The following ELP4 variants were observed in gnomAD, a reference collection of about 807,000 sequenced individuals.
The protein encoded by ELP4 is elongator complex protein 4.
ELP4 carries 51 observed loss-of-function variants against 48.9 expected under a neutral mutation model. The observed-to-expected ratio is 1.04, with a 90% CI of 0.83 to 1.32. The LOEUF is 1.32. ELP4 is among the 40% of genes most tolerant of loss of function. The pLI, the probability that ELP4 is intolerant of heterozygous loss-of-function variation, is 0.00. For synonymous variants in ELP4, 210 were observed against 189.2 expected (o/e 1.11, Z -0.90); for missense variants, 519 against 514.6 (o/e 1.01, Z -0.08).
intron 3 of ELP4, among the ~76,000 whole-genome samples, chr11:31,590,177 G>A (rs1281440098): frequency 1.3e-5 from 2 of 152,120 alleles, no homozygotes; most frequent in African/African-American, 4.8e-5. Context: ...TACCTCATAA[G>A]TTTATTATCG....
chr11:31,607,287 A>G (rs545626266), intron 5 of ELP4, among the ~76,000 whole-genome samples: 21 of 152,204 alleles, frequency 1.4e-4, no homozygotes, highest in Non-Finnish European at 2.6e-4. Context: ...CTATAACAAA[A>G]TACCTGAGAC....
chr11:31,531,078 G>A (rs1592087649), intron 2 of ELP4, among the ~76,000 whole-genome samples: 1 of 152,114 alleles, frequency 6.6e-6, no homozygotes, highest in African/African-American at 2.4e-5. Flanking sequence ...CACAAAATTG[G>A]TAATTTTCAG....
At chr11:31,735,252 C>T (rs1244950100) in intron 9 of ELP4, among the ~76,000 whole-genome samples, 1 of 151,312 alleles carries the variant, frequency 6.6e-6, no homozygotes, top group Non-Finnish European at 1.5e-5. Context: ...AAGACTTAAC[C>T]ATATGACCTG....
chr11:31,760,002 T>C (rs193152915), intron 9 of ELP4, among the ~76,000 whole-genome samples: 4 of 152,238 alleles, frequency 2.6e-5, no homozygotes, highest in Admixed American at 2.6e-4. Context: ...CTATGGTCGG[T>C]CAGTGTTTTC....
At chr11:31,695,223 C>A (rs866966129) in intron 9 of ELP4, among the ~76,000 whole-genome samples, 45 of 152,218 alleles carry the variant, frequency 3.0e-4, no homozygotes, top group African/African-American at 8.7e-4. Context: ...GAGGGCATCC[C>A]TGTCTTGTGC....
intron 9 of ELP4, among the ~76,000 whole-genome samples, chr11:31,754,483 A>ATTGTATTGTTTTGTATTGTATT (rs1947792808): frequency 6.6e-6 from 1 of 152,070 alleles, no homozygotes; most frequent in East Asian, 1.9e-4. Flanking sequence ...TAGTACAACT[A>ATTGTATTGTTTTGTATTGTATT]GTATTCCTTG....
At position 31,585,422 on chromosome 11, in the gene ELP4, G is replaced by A. The variant is rs543204343; in HGVS notation, c.382-9348G>A. Among the ~76,000 whole-genome samples, 189 of 150,494 alleles carry A rather than the reference G, an allele frequency of 1.3e-3. 1 individual carries two copies. The highest frequency in any genetic ancestry group is 5.0e-3 in the Admixed American group (75 of 15,128). On this transcript the variant is annotated intron_variant, in intron 3 of 9. Transcript: ENST00000640961. The stretch of plus-strand genomic sequence containing the variant: ...ATGAAATCTCACAAGAGAATAAAGA[G>A]CCTGGGTATTATTAAAAAAAAAAAA...
intron 9 of ELP4, among the ~76,000 whole-genome samples, chr11:31,690,367 C>T (rs1011741838): frequency 6.6e-6 from 1 of 152,024 alleles, no homozygotes; most frequent in African/African-American, 2.4e-5. Context: ...AGGGAGCACG[C>T]ACAGTGCAAT....
At chr11:31,650,360 A>C in intron 9 of ELP4, 139 bp downstream of exon 9, 1 of 437,026 alleles carries the variant, frequency 2.3e-6, no homozygotes, top group South Asian at 7.2e-5. Context: ...AAGTATTTTT[A>C]AGTTCTTCTA....
At chr11:31,719,517 A>AT (rs1459420485) in intron 9 of ELP4, 3 of 398,036 alleles carry the variant, frequency 7.5e-6, no homozygotes, top group South Asian at 1.3e-4. Flanking sequence ...TGAAGATTTG[A>AT]TTTTTTCCAA....
At chr11:31,618,727 G>A (rs1324634642) in intron 5 of ELP4, among the ~76,000 whole-genome samples, 4 of 152,112 alleles carry the variant, frequency 2.6e-5, no homozygotes, top group African/African-American at 9.7e-5. Context: ...CTTAGGGCTA[G>A]GAGAATTGGA....
Position 31,515,033 on chromosome 11 carries a change from G to GTGTATA in ELP4, c.224-5022_224-5021insGTATAT, listed in dbSNP as rs1263600301. On this transcript the variant is annotated intron_variant, in intron 1 of 9. Transcript: ENST00000640961. ...TGTGTGTGTGTGTGTGTGTGTGTGT[G>GTGTATA]TATATATATATATATATATATATGT... 5.7e-3 allele frequency among the ~76,000 whole-genome samples: 767 copies of GTGTATA among 133,938 alleles called. 3 individuals are homozygous for GTGTATA. The highest frequency in any genetic ancestry group is 0.013 in the African/African-American group (447 of 35,712). 87.9% of individuals were successfully genotyped at this position (133,938 alleles called of 152,430 possible).
intron 2 of ELP4, among the ~76,000 whole-genome samples, chr11:31,538,790 T>A (rs890878478): frequency 2.0e-5 from 3 of 152,200 alleles, no homozygotes; most frequent in African/African-American, 7.2e-5. Flanking sequence ...CTGTTTCTGT[T>A]GTATCTTGTT....
intron 9 of ELP4, among the ~76,000 whole-genome samples, chr11:31,691,006 T>C (rs1437388118): frequency 1.3e-5 from 2 of 152,060 alleles, no homozygotes; most frequent in East Asian, 3.8e-4. Context: ...TTAATATAGC[T>C]CAGAGCAAGG....
intron 3 of ELP4, among the ~76,000 whole-genome samples, chr11:31,547,555 G>A (rs968462882): frequency 6.6e-6 from 1 of 152,122 alleles, no homozygotes; most frequent in African/African-American, 2.4e-5. Context: ...TCTACCAGAG[G>A]TACAAGGAGG....
chr11:31,575,768 C>A (rs1957264901), intron 3 of ELP4, among the ~76,000 whole-genome samples: 1 of 152,182 alleles, frequency 6.6e-6, no homozygotes, highest in African/African-American at 2.4e-5. Flanking sequence ...CCAGGCTTGC[C>A]TTACAGGAGC....
chr11:31,651,606 T>C (rs1945320332), intron 9 of ELP4: 1 of 151,772 alleles, frequency 6.6e-6, no homozygotes, highest in South Asian at 2.1e-4. Context: ...TACCATAATA[T>C]TGCTTAAAAC....
intron 9 of ELP4, chr11:31,706,922 TTTA>T: frequency 2.5e-6 from 1 of 397,988 alleles, no homozygotes; most frequent in Non-Finnish European, 4.4e-6. Context: ...TACATTCTTT[TTTA>T]TTGCTAAATA....
intron 2 of ELP4, 119 bp from the exon 3 acceptor site, chr11:31,539,543 C>T: frequency 1.0e-6 from 1 of 989,422 alleles, no homozygotes; most frequent in Non-Finnish European, 1.4e-6. Context: ...TTTTGTTCCA[C>T]CTCATATACT....
Sources: allele counts gnomAD v4.1 joint callset (sites outside exome capture counted in the v4.1 genomes callset), GRCh38; gene constraint gnomAD v4.1.1; transcripts MANE v1.5; gene names NCBI Gene and HGNC (gene_info 2026-07-23, HGNC 2026-07-21).